Variants in MKX observed in about 807,000 individuals in gnomAD.
MKX encodes homeobox protein Mohawk.
In MKX, 13 loss-of-function variants were observed where a neutral mutation model predicts 36.0. The ratio of observed to expected loss-of-function variants is 0.36; its 90% confidence interval spans 0.24 to 0.57. MKX has a LOEUF of 0.57. Ranked by LOEUF, MKX falls within the 20% of genes least tolerant of loss-of-function variation. The probability of loss-of-function intolerance (pLI) is 0.79; values close to 1 mark genes in which losing one functional copy is unlikely to be tolerated. For missense variants in MKX, 458 were observed against 456.4 expected (o/e 1.00, Z -0.03); for synonymous variants, 176 against 178.3 (o/e 0.99, Z 0.10).
intron 5 of MKX, among the ~76,000 whole-genome samples, chr10:27,719,077 TTC>T (rs1191192482): frequency 6.6e-6 from 1 of 152,188 alleles, no homozygotes; most frequent in Non-Finnish European, 1.5e-5. Context: ...CTTTATTAAT[TTC>T]TCTCTCGAAA....
intron 5 of MKX, among the ~76,000 whole-genome samples, chr10:27,698,982 A>C (rs1207886848): frequency 6.6e-6 from 1 of 152,242 alleles, no homozygotes; most frequent in South Asian, 2.1e-4. Context: ...ATGTGATTTT[A>C]AAAAAGTGTA....
chr10:27,741,505 C>G lies in MKX; in HGVS notation c.189-1G>C. On this transcript the variant is annotated splice_acceptor_variant, in intron 2 of 6. Transcript: ENST00000419761. LOFTEE classifies it high-confidence loss of function. This position sits in a 1 kb window ranked among gnomAD's most constrained non-coding sequence, Gnocchi z 5.1. Reference sequence around the variant, plus strand: ...CACCTTCCCGCCATTCTGCCGGGCGCTGGGACATGGGGAGAGGAGGCGGCC... The same window carrying G: ...CACCTTCCCGCCATTCTGCCGGGCGGTGGGACATGGGGAGAGGAGGCGGCC... 6.3e-7 allele frequency: 1 copy of G among 1,591,434 alleles called. No individual in the cohort carries two copies. Among genetic ancestry groups the G allele is most frequent in the Non-Finnish European group, 8.5e-7 (1 of 1,171,638 alleles).
chr10:27,724,937 T>G lies in MKX; in HGVS notation c.838+9519A>C, dbSNP rs111491011. On this transcript the variant is annotated intron_variant, in intron 5 of 6. Transcript: ENST00000419761. ...TATAATATCAACTTGTGTAAAAACC[T>G]TTCCACTCTAGCTATTAAAAGAGAG... Among the ~76,000 whole-genome samples the G allele has an allele frequency of 1.4e-3, 211 of 152,184 alleles. 1 individual carries two copies. Among genetic ancestry groups the G allele is most frequent in the African/African-American group, 4.6e-3 (192 of 41,510 alleles).
intron 5 of MKX, among the ~76,000 whole-genome samples, chr10:27,701,376 A>G (rs1836650130): frequency 6.8e-6 from 1 of 147,282 alleles, no homozygotes; most frequent in Non-Finnish European, 1.5e-5. Context: ...TTTTATATAT[A>G]TATATATATA....
In MKX at chr10:27,741,273, C is replaced by G. The variant is rs866419380; in HGVS notation, c.348+72G>C. On this transcript the variant is annotated intron_variant, in intron 3 of 6. Coordinates refer to ENST00000419761, the MANE Select transcript of MKX (RefSeq NM_173576.3). This position sits in a 1 kb window ranked among gnomAD's most constrained non-coding sequence, Gnocchi z 5.1. ...TAGAAGCGCCACGTGGAGAGCCACA[C>G]GAACTCTAAGCGTTCCCGCTCTTCA... 5.1e-6 allele frequency: 8 copies of G among 1,582,462 alleles called. No individual in the cohort carries two copies. The Middle Eastern group carries it at 1.2e-3, about 233-fold the overall frequency.
chr10:27,675,153 CT>C lies in MKX; in HGVS notation c.*75del, dbSNP rs1836120673. 1.4e-6 allele frequency: 2 copies of C among 1,406,490 alleles called. No homozygotes were observed. The highest frequency in any genetic ancestry group is 4.6e-5 in the East Asian group (2 of 43,296). The allele number at this position is 1,406,490 out of a possible 1,614,324, so 87.1% of individuals were successfully genotyped here. A position where few individuals can be genotyped will look rare whatever the true frequency, so the allele number is the denominator to read the frequency against. ...GTTTGGGAGAGAGTCATTTTCATCC[CT>C]GCTTCGGCTCTTAGGATGAGGGTTG... is the stretch of plus-strand genomic sequence containing the variant. On this transcript the variant is annotated 3_prime_UTR_variant, in exon 7 of 7. Coordinates refer to ENST00000419761, the MANE Select transcript of MKX (RefSeq NM_173576.3).
chr10:27,733,772 C>T (rs1302324835), intron 5 of MKX, among the ~76,000 whole-genome samples: 3 of 152,172 alleles, frequency 2.0e-5, no homozygotes, highest in South Asian at 4.1e-4. Flanking sequence ...GAAATTTTTA[C>T]CAAACCTACT....
chr10:27,726,662 G>A (rs1589688323), intron 5 of MKX, among the ~76,000 whole-genome samples: 1 of 143,302 alleles, frequency 7.0e-6, no homozygotes, highest in South Asian at 2.2e-4. Flanking sequence ...CTCTTTCTAT[G>A]TTTTTCTTTT....
chr10:27,745,678 G>C (rs2132666274), intron 1 of MKX, 29 bp downstream of exon 1: 1 of 152,564 alleles, frequency 6.6e-6, no homozygotes, highest in South Asian at 2.1e-4. Flanking sequence ...GCCGCAGCCG[G>C]CTGAGACTCG....
At chr10:27,722,347 T>C (rs1834398133) in intron 5 of MKX, among the ~76,000 whole-genome samples, 1 of 152,216 alleles carries the variant, frequency 6.6e-6, no homozygotes, top group African/African-American at 2.4e-5. Context: ...AGTTCTGTTC[T>C]AATAGAGACA....
In MKX at chr10:27,702,969, G is replaced by A. The variant is rs948126562; in HGVS notation, c.839-27415C>T. Among the ~76,000 whole-genome samples the A allele has an allele frequency of 2.0e-5, 3 of 152,170 alleles. No individual in the cohort carries two copies. The East Asian group carries it at 5.8e-4, about 29-fold the overall frequency. On this transcript the variant is annotated intron_variant, in intron 5 of 6. Transcript: ENST00000419761. ...TTTTATTTCACTTTTTTACAAGAAG[G>A]TGACCAACATTTTCTTAGGCTTCCG...
In MKX at chr10:27,674,386, A is replaced by T. The variant is rs1485068996; in HGVS notation, c.*843T>A. The stretch of plus-strand genomic sequence containing the variant: ...CCATCACAAAAAGACAGTGAGCTCT[A>T]ATGCAAACAGGATTATGTTTTAAAA... On this transcript the variant is annotated 3_prime_UTR_variant, in exon 7 of 7. Transcript: ENST00000419761. 6.6e-6 allele frequency: 1 copy of T among 152,654 alleles called. No individual in the cohort carries two copies. 9.5% of individuals were successfully genotyped at this position (152,654 alleles called of 1,614,324 possible).
At chr10:27,714,685 G>T (rs1231358204) in intron 5 of MKX, among the ~76,000 whole-genome samples, 1 of 152,198 alleles carries the variant, frequency 6.6e-6, no homozygotes, top group African/African-American at 2.4e-5. Context: ...AACATGAAAT[G>T]TAAGAAAAAC....
At chr10:27,703,028 AT>A (rs2132529629) in intron 5 of MKX, among the ~76,000 whole-genome samples, 1 of 152,334 alleles carries the variant, frequency 6.6e-6, no homozygotes, top group African/African-American at 2.4e-5. Context: ...TTTTGGTTAA[AT>A]GTCAGCAAAG....
chr10:27,734,058 C>T (rs1432921211), intron 5 of MKX, among the ~76,000 whole-genome samples: 1 of 152,040 alleles, frequency 6.6e-6, no homozygotes, highest in East Asian at 1.9e-4. Context: ...CGGCACTATC[C>T]TCTATTATAA....
chr10:27,703,508 A>G lies in MKX; in HGVS notation c.839-27954T>C, dbSNP rs80303310. ...AAATTCAATGCAATAAGCTAGAGAA[A>G]GACATCTATGGAAAAAAAAAATAAA... is the stretch of plus-strand genomic sequence containing the variant. On this transcript the variant is annotated intron_variant, in intron 5 of 6. Transcript: ENST00000419761. 4.5e-3 allele frequency among the ~76,000 whole-genome samples: 527 copies of G among 117,978 alleles called. 4 individuals carry two copies. The highest frequency in any genetic ancestry group is 0.015 in the African/African-American group (472 of 31,976). 77.4% of individuals were successfully genotyped at this position (117,978 alleles called of 152,430 possible).
At chr10:27,699,844 T>C (rs1025776167) in intron 5 of MKX, among the ~76,000 whole-genome samples, 1 of 152,212 alleles carries the variant, frequency 6.6e-6, no homozygotes, top group African/African-American at 2.4e-5. Flanking sequence ...CTTCTTTCCA[T>C]TGAAAGCAGA....
At chr10:27,676,970 G>T (rs1836164043) in intron 5 of MKX, among the ~76,000 whole-genome samples, 1 of 152,086 alleles carries the variant, frequency 6.6e-6, no homozygotes, top group African/African-American at 2.4e-5. Flanking sequence ...CCACGAAAAT[G>T]GGTTCTCAAG....
intron 1 of MKX, 81 bp from the exon 2 acceptor site, chr10:27,743,578 G>T (rs1310613883): frequency 5.3e-6 from 4 of 756,942 alleles, no homozygotes; most frequent in Admixed American, 8.5e-5. Flanking sequence ...GAACTTGGCC[G>T]GGTCGCCGGG....
Sources: gnomAD v4.1 joint callset for allele counts (sites outside exome capture counted in the v4.1 genomes callset) on GRCh38, gnomAD v4.1.1 for gene constraint, Gnocchi (gnomAD v3.1) non-coding constraint, MANE v1.5 for transcripts, NCBI Gene and HGNC (gene_info 2026-07-23, HGNC 2026-07-21) for gene names.